The following STON2 variants were observed in gnomAD, a reference collection of about 807,000 sequenced individuals.
STON2 encodes the protein stonin-2.
A neutral mutation model predicts 65.7 loss-of-function variants in STON2; 29 were observed. That is an observed-to-expected ratio of 0.44 (90% CI 0.33 to 0.60). STON2 has a LOEUF of 0.60. STON2 is among the 20% of genes least tolerant of loss of function. The pLI is 0.03. For missense variants in STON2, 1,054 were observed against 1,118.1 expected (o/e 0.94, Z 0.82); for synonymous variants, 404 against 414.2 (o/e 0.98, Z 0.30).
rs1900303132 is a variant in STON2, at chr14:81,396,067, T to C, written c.200A>G (p.Glu67Gly). 1 of 1,614,046 alleles carries C rather than the reference T, an allele frequency of 6.2e-7. No individual in the cohort carries two copies. Among genetic ancestry groups the C allele is most frequent in the African/African-American group, 1.3e-5 (1 of 74,924 alleles). The change falls in exon 3 of 8, where the codon GAG (glutamate) becomes GGG (glycine). Residue 67 changes from glutamate (E) to glycine (G), a missense_variant. Glu to Gly is a moderately conservative substitution (Grantham distance 98). Transcript: ENST00000614646. ...DGGSQDHSHS[E>G]QDDSSEKMGL... ...CATCTTTTCAGAGGAGTCATCCTGC[T>C]CCGAGTGGGAATGGTCTTGAGAGCC...
intron 2 of STON2, among the ~76,000 whole-genome samples, chr14:81,417,768 A>T (rs957407543): frequency 1.3e-5 from 2 of 152,130 alleles, no homozygotes; most frequent in African/African-American, 2.4e-5. Context: ...TCAACAGGGG[A>T]AGTAAAAAGA....
At chr14:81,299,898 T>TTTTG (rs59997170) in intron 5 of STON2, among the ~76,000 whole-genome samples, 47 of 151,424 alleles carry the variant, frequency 3.1e-4, no homozygotes, top group African/African-American at 1.0e-3. Context: ...TTTTTTTTTT[T>TTTTG]AAATTGATCT....
In STON2 at chr14:81,398,536, A is replaced by C; in HGVS notation, c.-154T>G. 1.9e-6 allele frequency: 1 copy of C among 521,678 alleles called. No individual in the cohort carries two copies. The highest frequency in any genetic ancestry group is 3.4e-6 in the Non-Finnish European group (1 of 293,226). 32.3% of individuals were successfully genotyped at this position (521,678 alleles called of 1,614,324 possible). On this transcript the variant is annotated 5_prime_UTR_variant, in exon 2 of 8. Transcript: ENST00000614646. ...GCCAAGGGCAGTACTCAGAATGTAG[A>C]CAGATCAGCCTCTCTTGCCGTTGGT...
chr14:81,351,178 C>CTTTTTTTT lies in STON2; in HGVS notation c.571+19802_571+19809dup, dbSNP rs370421507. Among the ~76,000 whole-genome samples the CTTTTTTTT allele has an allele frequency of 1.6e-4, 21 of 127,892 alleles. 1 individual carries two copies. The highest frequency in any genetic ancestry group is 2.2e-4 in the Non-Finnish European group (13 of 60,230). 83.9% of individuals were successfully genotyped at this position (127,892 alleles called of 152,430 possible). ...CTAAGGTATTTTGAGGTAAGCTCTT[C>CTTTTTTTT]TTTTTTTTTTTTTTTTTCTGGTGGG... On this transcript the variant is annotated intron_variant, in intron 4 of 7. Coordinates refer to ENST00000614646, the MANE Select transcript of STON2 (RefSeq NM_001394390.1).
chr14:81,296,031 C>G (rs1432993500), intron 5 of STON2, among the ~76,000 whole-genome samples: 1 of 152,128 alleles, frequency 6.6e-6, no homozygotes, highest in Non-Finnish European at 1.5e-5. Flanking sequence ...GTTATAGAGC[C>G]TACATTTTTT....
chr14:81,345,267 T>G (rs1897767908), intron 4 of STON2, among the ~76,000 whole-genome samples: 1 of 152,212 alleles, frequency 6.6e-6, no homozygotes, highest in Non-Finnish European at 1.5e-5. Flanking sequence ...GAATTGTGAC[T>G]GTATCATACA....
rs1894887520 is a variant in STON2, at chr14:81,277,453, C to G, written c.2029G>C (p.Val677Leu). The change falls in exon 6 of 8, where the codon GTC becomes CTC. Residue 677 changes from valine (V) to leucine (L), a missense_variant. By Grantham distance (32) the Val-to-Leu change is conservative. Transcript: ENST00000614646. ...ECRLGLNDILVKGNEIVLRQD... is the reference protein window; with the variant it reads ...ECRLGLNDILLKGNEIVLRQD... ...CTCAAAACTATTTCATTCCCTTTGA[C>G]GAGGATGTCATTGAGGCCCAGGCGG... The G allele has an allele frequency of 6.2e-7, 1 of 1,614,098 alleles. No homozygotes were observed. The highest frequency in any genetic ancestry group is 8.5e-7 in the Non-Finnish European group (1 of 1,180,028).
intron 2 of STON2, among the ~76,000 whole-genome samples, chr14:81,416,321 T>C (rs1901429386): frequency 6.6e-6 from 1 of 152,216 alleles, no homozygotes; most frequent in Non-Finnish European, 1.5e-5. Context: ...GCTGATTTCA[T>C]TCCTGTGGTC....
chr14:81,309,022 G>T (rs890270368), intron 5 of STON2, among the ~76,000 whole-genome samples: 2 of 149,804 alleles, frequency 1.3e-5, no homozygotes, highest in African/African-American at 4.9e-5. Context: ...CCTTTCCCTG[G>T]TGTTTGCCTA....
chr14:81,306,597 C>T (rs1896194020), intron 5 of STON2: 2 of 152,150 alleles, frequency 1.3e-5, no homozygotes, highest in Non-Finnish European at 2.9e-5. Context: ...GAGTTAAAGT[C>T]TGATCAGTCA....
chr14:81,277,355 A>G lies in STON2; in HGVS notation c.2127T>C (p.Asp709=). Reference sequence around the variant, plus strand: ...CCCGTGAGTTGTGGAAAACATCCTCATCCACACACCCATGGAAACGGCACT... The same window carrying G: ...CCCGTGAGTTGTGGAAAACATCCTCGTCCACACACCCATGGAAACGGCACT... ...LHECRFHGCV[D]EDVFHNSRVI... is the part of the protein sequence containing the mutation. Residue 709 remains aspartate (D), a synonymous_variant, in exon 6 of 8, where the codon GAT becomes GAC. Coordinates refer to ENST00000614646, the MANE Select transcript of STON2 (RefSeq NM_001394390.1). 6.2e-7 allele frequency: 1 copy of G among 1,614,182 alleles called. No individual in the cohort carries two copies. The highest frequency in any genetic ancestry group is 8.5e-7 in the Non-Finnish European group (1 of 1,180,014).
intron 4 of STON2, among the ~76,000 whole-genome samples, chr14:81,363,579 T>A (rs1898591825): frequency 1.3e-5 from 2 of 151,730 alleles, no homozygotes; most frequent in African/African-American, 4.8e-5. Context: ...AGAACAGAAA[T>A]GAGGTCAAAT....
intron 5 of STON2, among the ~76,000 whole-genome samples, chr14:81,280,910 C>T (rs1233859560): frequency 6.6e-6 from 1 of 150,424 alleles, no homozygotes; most frequent in Non-Finnish European, 1.5e-5. Context: ...ATTCGGGAGG[C>T]GGAGGCAGGA....
intron 4 of STON2, among the ~76,000 whole-genome samples, chr14:81,325,142 C>T (rs529912044): frequency 9.8e-5 from 15 of 152,302 alleles, no homozygotes; most frequent in Admixed American, 3.3e-4. Flanking sequence ...CCAACACTCA[C>T]CTTTCCTCCA....
chr14:81,279,328 T>C (rs143216142), intron 5 of STON2, among the ~76,000 whole-genome samples: 62 of 152,264 alleles, frequency 4.1e-4, no homozygotes, highest in African/African-American at 1.3e-3. Context: ...GTAAAGAACA[T>C]AGACAACTCA....
Position 81,369,901 on chromosome 14 carries a change from G to T in STON2, c.571+1087C>A, listed in dbSNP as rs563152244. 3.3e-5 allele frequency among the ~76,000 whole-genome samples: 5 copies of T among 152,284 alleles called. No homozygotes were observed. In the South Asian group the frequency reaches 6.2e-4, roughly 19 times the overall value. Reference sequence around the variant, plus strand: ...GCCCCCACTGTGGAAATGGGGCTGTGGGGGCATATTTCAGCCACCAACCAG... The same window carrying T: ...GCCCCCACTGTGGAAATGGGGCTGTTGGGGCATATTTCAGCCACCAACCAG... On this transcript the variant is annotated intron_variant, in intron 4 of 7. Transcript: ENST00000614646.
chr14:81,394,852 C>T (rs527832584), intron 3 of STON2: 2 of 152,336 alleles, frequency 1.3e-5, no homozygotes, highest in African/African-American at 4.8e-5. Flanking sequence ...CCCGGTGACA[C>T]CCATGATGGA....
chr14:81,263,555 A>AC lies in STON2; in HGVS notation c.*4858_*4859insG, dbSNP rs546419700. ...TCCGTCTCAAAAAAAAAAAAAAAAA[A>AC]AAAAACAAAAAAGAAAATGCTATTT... On this transcript the variant is annotated 3_prime_UTR_variant, in exon 8 of 8. Transcript: ENST00000614646. 1.1e-3 allele frequency: 208 copies of AC among 192,218 alleles called. No individual in the cohort carries two copies. Among genetic ancestry groups the AC allele is most frequent in the Middle Eastern group, 2.6e-3 (1 of 390 alleles). 11.9% of individuals were successfully genotyped at this position (192,218 alleles called of 1,614,324 possible).
At chr14:81,291,269 G>A (rs528215584) in intron 5 of STON2, among the ~76,000 whole-genome samples, 33 of 152,260 alleles carry the variant, frequency 2.2e-4, no homozygotes, top group African/African-American at 7.7e-4. Flanking sequence ...GTACAATTAT[G>A]AAGACAGAAT....
Sources: gnomAD v4.1 joint callset for allele counts (sites outside exome capture counted in the v4.1 genomes callset) on GRCh38, gnomAD v4.1.1 for gene constraint, MANE v1.5 for transcripts, NCBI Gene and HGNC (gene_info 2026-07-23, HGNC 2026-07-21) for gene names.